CLCA4: variants seen among roughly 807,000 people sequenced by gnomAD.
The protein encoded by CLCA4 is calcium-activated chloride channel regulator 4.
A neutral mutation model predicts 78.9 loss-of-function variants in CLCA4; 69 were observed. The ratio of observed to expected loss-of-function variants is 0.87; its 90% confidence interval spans 0.72 to 1.07. CLCA4 has a LOEUF of 1.07. Ranked by LOEUF, CLCA4 falls within the 50% of genes least tolerant of loss-of-function variation. CLCA4 has a pLI of 0.00. For synonymous variants in CLCA4, 362 were observed against 375.8 expected (o/e 0.96, Z 0.42); for missense variants, 1,133 against 1,095.8 (o/e 1.03, Z -0.48).
intron 1 of CLCA4, among the ~76,000 whole-genome samples, chr1:86,556,716 G>T (rs937445903): frequency 6.6e-6 from 1 of 152,152 alleles, no homozygotes; most frequent in Admixed American, 6.5e-5. Flanking sequence ...AGTTGGAGAG[G>T]ATCCCTCCCT....
rs545159361 is a variant in CLCA4 at position 86,548,882 on chromosome 1, C to A, written c.159+1604C>A. 2.0e-5 allele frequency among the ~76,000 whole-genome samples: 3 copies of A among 152,132 alleles called. No individual in the cohort carries two copies. The South Asian group carries it at 6.2e-4, about 32-fold the overall frequency. On this transcript the variant is annotated intron_variant, in intron 1 of 13. Coordinates refer to ENST00000370563, the MANE Select transcript of CLCA4 (RefSeq NM_012128.4). The stretch of plus-strand genomic sequence containing the variant: ...TAGACAGGGTTCTACACTGTGTCAC[C>A]ACAAGACAGAAGACAAGGCACAGGG...
rs1558190154 is a variant in CLCA4 at position 86,565,865 on chromosome 1, T to C, written c.799T>C (p.Cys267Arg). Residue 267 changes from cysteine (C) to arginine (R), a missense_variant, in exon 6 of 14, where the codon TGC becomes CGC. Physicochemically the swap from Cys to Arg is radical, Grantham distance 180. Coordinates refer to ENST00000370563, the MANE Select transcript of CLCA4 (RefSeq NM_012128.4). Reference sequence around the variant, plus strand: ...AGCTCCAAGCCTACAAAACATAAAGTGCAATTTTAGAAGTACATGGGAGGT... The same window carrying C: ...AGCTCCAAGCCTACAAAACATAAAGCGCAATTTTAGAAGTACATGGGAGGT... ...QEAPSLQNIKCNFRSTWEVIS... is the reference protein window; with the variant it reads ...QEAPSLQNIKRNFRSTWEVIS... 4 of 1,607,096 alleles carry C rather than the reference T, an allele frequency of 2.5e-6. No homozygotes were observed. The highest frequency in any genetic ancestry group is 3.4e-6 in the Non-Finnish European group (4 of 1,175,954).
Position 86,579,522 on chromosome 1 carries a change from CA to C in CLCA4, c.2292del (p.Val765PhefsTer27). 1 of 1,613,088 alleles carries C rather than the reference CA, an allele frequency of 6.2e-7. No individual in the cohort carries two copies. The highest frequency in any genetic ancestry group is 8.5e-7 in the Non-Finnish European group (1 of 1,179,398). On this transcript the variant is annotated frameshift_variant, in exon 13 of 14. Transcript: ENST00000370563. LOFTEE classifies it high-confidence loss of function. ...AGTCAAATCACAGACCTTGATGCCA[CA>C]GTTCATGAGGATAAGATTATTCTTA... ...PPSQITDLDATVHEDKIILTW... is the reference protein window; with the variant it reads ...PPSQITDLDAXVHEDKIILTW...
chr1:86,563,757 T>A lies in CLCA4; in HGVS notation c.545T>A (p.Ile182Asn). ...TTCTACCGTGCTAAGTCAAAAAAAA[T>A]CGAAGCAACAAGGCATGGCTATTTA... ...QPFYRAKSKK[I>N]EATRCSAGIS... Residue 182 changes from isoleucine (I) to asparagine (N), a missense_variant, in exon 4 of 14, where the codon ATC becomes AAC. Physicochemically the swap from Ile to Asn is moderately radical, Grantham distance 149 (BLOSUM62 -3). Transcript: ENST00000370563. 2.5e-6 allele frequency: 4 copies of A among 1,595,946 alleles called. No individual in the cohort carries two copies. Among genetic ancestry groups the A allele is most frequent in the Non-Finnish European group, 3.4e-6 (4 of 1,166,584 alleles).
rs1199250335 is a variant in CLCA4 at position 86,577,917 on chromosome 1, AGAATGAT to A, written c.1969_1975del (p.Asn657GlufsTer18). The A allele has an allele frequency of 6.2e-7, 1 of 1,609,984 alleles. No individual in the cohort carries two copies. On this transcript the variant is annotated frameshift_variant, in exon 12 of 14. Transcript: ENST00000370563. LOFTEE classifies it high-confidence loss of function. ...CTATAACAAGGCGCTGATTCTTTCA[AGAATGAT>A]GGAGTCTACTCCAGGTATTTTACAG...
intron 3 of CLCA4, among the ~76,000 whole-genome samples, chr1:86,561,886 T>TA (rs1558186674): frequency 1.3e-5 from 2 of 152,148 alleles, no homozygotes; most frequent in Non-Finnish European, 2.9e-5. Flanking sequence ...TGCATTTGTG[T>TA]AAAAAACTCA....
intron 12 of CLCA4, among the ~76,000 whole-genome samples, chr1:86,578,968 C>T (rs750788570): frequency 1.2e-4 from 18 of 152,018 alleles, no homozygotes; most frequent in Non-Finnish European, 2.2e-4. Flanking sequence ...TATTCCTTAG[C>T]ACTTGCAGCA....
In CLCA4 at chr1:86,579,425, C is replaced by T. The variant is rs751765325; in HGVS notation, c.2194C>T (p.Arg732Ter). The T allele has an allele frequency of 1.5e-5, 25 of 1,613,134 alleles. No individual in the cohort carries two copies. The highest frequency in any genetic ancestry group is 4.0e-5 in the African/African-American group (3 of 74,816). ...DTQTTLEDFS[R>*]TASGGAFVVS... The stretch of plus-strand genomic sequence containing the variant: ...TCAGACCACCTTGGAGGATTTCAGC[C>T]GAACAGCATCCGGAGGTGCATTTGT... Residue 732 changes from arginine to a stop codon, truncating the protein, a stop_gained, in exon 13 of 14, where the codon CGA (arginine) becomes TGA (stop). Transcript: ENST00000370563. LOFTEE classifies it high-confidence loss of function.
At chr1:86,574,788 A>G (rs1650459648) in intron 10 of CLCA4, 33 bp downstream of exon 10, 1 of 1,493,946 alleles carries the variant, frequency 6.7e-7, no homozygotes, top group African/African-American at 1.4e-5. Context: ...TCCTGTCAAC[A>G]TTTTTAAAAA....
chr1:86,550,811 A>C (rs553258136), intron 1 of CLCA4, among the ~76,000 whole-genome samples: 31 of 151,724 alleles, frequency 2.0e-4, no homozygotes, highest in African/African-American at 7.0e-4. Context: ...ATGAGATAAT[A>C]AGGTCTAGGG....
intron 6 of CLCA4, among the ~76,000 whole-genome samples, chr1:86,566,467 A>G (rs1487862578): frequency 2.0e-5 from 3 of 152,116 alleles, no homozygotes; most frequent in African/African-American, 7.2e-5. Context: ...ATAATTGTTG[A>G]AATGAATGCA....
At chr1:86,556,983 G>A (rs76306311) in intron 1 of CLCA4, among the ~76,000 whole-genome samples, 17,830 of 152,142 alleles carry the variant, frequency 0.12, 1,209 homozygotes, top group Middle Eastern at 0.19. Context: ...TGTGTCTTTA[G>A]AGGTGTTCAT....
At position 86,572,620 on chromosome 1, in the gene CLCA4, G is replaced by A. The variant is rs746282424; in HGVS notation, c.1367G>A (p.Ser456Asn). The change falls in exon 9 of 14, where the codon AGT (serine) becomes AAT (asparagine). Residue 456 changes from serine to asparagine, a missense_variant. By Grantham distance (46) the Ser-to-Asn change is conservative. Transcript: ENST00000370563. ...VIEMSKITGG[S>N]HFYVSDEAQN... ...TAATGCATTTACATTTTAGGAGGAA[G>A]TCATTTTTATGTTTCAGATGAAGCT... is the stretch of plus-strand genomic sequence containing the variant. 5.0e-6 allele frequency: 8 copies of A among 1,591,482 alleles called. No homozygotes were observed. Among genetic ancestry groups the A allele is most frequent in the Non-Finnish European group, 6.9e-6 (8 of 1,160,500 alleles).
intron 1 of CLCA4, among the ~76,000 whole-genome samples, chr1:86,555,624 G>A (rs558298192): frequency 6.6e-6 from 1 of 152,260 alleles, no homozygotes; most frequent in Admixed American, 6.5e-5. Context: ...TTTGAAATCA[G>A]GTAACATGAT....
chr1:86,549,458 T>A (rs1649593965), intron 1 of CLCA4, among the ~76,000 whole-genome samples: 1 of 152,168 alleles, frequency 6.6e-6, no homozygotes, highest in South Asian at 2.1e-4. Flanking sequence ...AAGGGTGTGT[T>A]CTCATGCATG....
Position 86,570,339 on chromosome 1 carries a change from G to GTT in CLCA4, c.1183-737_1183-736dup, listed in dbSNP as rs3835434. The stretch of plus-strand genomic sequence containing the variant: ...AAAACTGTCAAAGAAAATGAAATAT[G>GTT]TTGTCATCCTGGGCTAACTTCTCTC... On this transcript the variant is annotated intron_variant, in intron 7 of 13. Coordinates refer to ENST00000370563, the MANE Select transcript of CLCA4 (RefSeq NM_012128.4). 5.7e-4 allele frequency among the ~76,000 whole-genome samples: 86 copies of GTT among 152,086 alleles called. 2 individuals carry two copies. In the East Asian group the frequency reaches 0.015, roughly 27 times the overall value.
Position 86,560,250 on chromosome 1 carries a change from G to C in CLCA4, c.340G>C (p.Asp114His), listed in dbSNP as rs761185088. The C allele has an allele frequency of 3.7e-6, 6 of 1,613,866 alleles. No homozygotes were observed. In the African/African-American group the frequency reaches 8.0e-5, roughly 22 times the overall value. ...TGCACCACCTACACTCCCAGGTAGA[G>C]ATGAACCATACACCAAGCAGTTCAC... is the stretch of plus-strand genomic sequence containing the variant. ...IVAPPTLPGRDEPYTKQFTEC... is the reference protein window; with the variant it reads ...IVAPPTLPGRHEPYTKQFTEC... The change falls in exon 3 of 14, where the codon GAT becomes CAT. Residue 114 changes from aspartate to histidine, a missense_variant. By Grantham distance (81) the Asp-to-His change is moderately conservative. Coordinates refer to ENST00000370563, the MANE Select transcript of CLCA4 (RefSeq NM_012128.4).
rs780667336 is a variant in CLCA4, at chr1:86,572,768, A to G, written c.1467+48A>G. The G allele has an allele frequency of 2.7e-6, 3 of 1,091,228 alleles. No homozygotes were observed. In the African/African-American group the frequency reaches 4.6e-5, roughly 17 times the overall value. The allele number at this position is 1,091,228 out of a possible 1,614,324, so 67.6% of individuals were successfully genotyped here. On this transcript the variant is annotated intron_variant, in intron 9 of 13. Coordinates refer to ENST00000370563, the MANE Select transcript of CLCA4 (RefSeq NM_012128.4). Reference sequence around the variant, plus strand: ...TTTTCATGTTCACTTTTGCCACAAGAAAAAACCATTTGGTGGTTATAAGTT... The same window carrying G: ...TTTTCATGTTCACTTTTGCCACAAGGAAAAACCATTTGGTGGTTATAAGTT...
intron 8 of CLCA4, among the ~76,000 whole-genome samples, chr1:86,571,994 C>G (rs1482697335): frequency 6.6e-6 from 1 of 152,026 alleles, no homozygotes. Flanking sequence ...CACATCATTT[C>G]AAAGTCCTTT....
Sources: allele counts gnomAD v4.1 joint callset (sites outside exome capture counted in the v4.1 genomes callset), GRCh38; gene constraint gnomAD v4.1.1; transcripts MANE v1.5; gene names NCBI Gene and HGNC (gene_info 2026-07-23, HGNC 2026-07-21).